The following HYCC2 variants were observed in gnomAD, a reference collection of about 807,000 sequenced individuals.
HYCC2 encodes hyccin PI4KA lipid kinase complex subunit 2, also known as hyccin 2.
At chr2:201,025,169 T>C in the HYCC2 span, among the ~76,000 whole-genome samples, 119 of 152,106 alleles carry the variant, frequency 7.8e-4, no homozygotes, top group African/African-American at 2.6e-3. Context: ...AAAAGCAAGC[T>C]GTAGGATGTA....
chr2:201,001,851 T>C, the HYCC2 span, among the ~76,000 whole-genome samples: 6 of 151,834 alleles, frequency 4.0e-5, 1 homozygote, highest in South Asian at 1.0e-3. Flanking sequence ...TTTGTATTTT[T>C]AGTAGAGACA....
chr2:201,005,016 CAAA>C, the HYCC2 span, among the ~76,000 whole-genome samples: 11 of 56,588 alleles, frequency 1.9e-4, no homozygotes, highest in Admixed American at 3.8e-4. Flanking sequence ...GACTCCATCT[CAAA>C]AAAAAAAAAA....
the HYCC2 span, among the ~76,000 whole-genome samples, chr2:201,008,220 A>G: frequency 6.6e-6 from 1 of 152,224 alleles, no homozygotes; most frequent in Admixed American, 6.5e-5. Context: ...TTCTGCAACC[A>G]AGAAAGCAAG....
chr2:200,995,935 C>T, the HYCC2 span: 2 of 152,004 alleles, frequency 1.3e-5, no homozygotes, highest in Non-Finnish European at 2.9e-5. Flanking sequence ...TTTTGAAAGG[C>T]TGAATTCAGA....
the HYCC2 span, among the ~76,000 whole-genome samples, chr2:201,035,764 G>A: frequency 2.6e-5 from 4 of 152,112 alleles, no homozygotes; most frequent in Admixed American, 1.3e-4. Context: ...TGATGGTGAC[G>A]TTCAGATGGG....
chr2:200,977,117 A>C, the HYCC2 span: 2 of 152,262 alleles, frequency 1.3e-5, no homozygotes, highest in African/African-American at 2.4e-5. Flanking sequence ...TGATCCTTAC[A>C]TCTGTAGATA....
chr2:201,011,733 A>G, the HYCC2 span, among the ~76,000 whole-genome samples: 1 of 152,210 alleles, frequency 6.6e-6, no homozygotes, highest in Non-Finnish European at 1.5e-5. Flanking sequence ...ATACAATATG[A>G]CAGCAAAGAC....
the HYCC2 span, among the ~76,000 whole-genome samples, chr2:201,006,649 A>ATTT: frequency 2.0e-5 from 3 of 152,110 alleles, no homozygotes; most frequent in Admixed American, 2.0e-4. Flanking sequence ...TCTGGGAGAT[A>ATTT]TTTTGGTCAT....
chr2:201,028,693 G>C, the HYCC2 span, among the ~76,000 whole-genome samples: 4,331 of 152,206 alleles, frequency 0.028, 220 homozygotes, highest in African/African-American at 0.099. Flanking sequence ...TGACAAACCT[G>C]ACAAAAACAA....
the HYCC2 span, among the ~76,000 whole-genome samples, chr2:201,056,029 A>C: frequency 6.6e-6 from 1 of 152,134 alleles, no homozygotes; most frequent in African/African-American, 2.4e-5. Flanking sequence ...TCTACTAAAA[A>C]TACAAAAAAT....
chr2:201,057,499 C>A, the HYCC2 span, among the ~76,000 whole-genome samples: 1 of 152,156 alleles, frequency 6.6e-6, no homozygotes, highest in Non-Finnish European at 1.5e-5. Context: ...TGAGAGGAAA[C>A]AAATCTCTCT....
chr2:201,067,474 A>G, the HYCC2 span, among the ~76,000 whole-genome samples: 1 of 152,214 alleles, frequency 6.6e-6, no homozygotes, highest in Non-Finnish European at 1.5e-5. Context: ...TTCTATAAAT[A>G]ATCAAAGTCA....
the HYCC2 span, among the ~76,000 whole-genome samples, chr2:201,032,656 C>T: frequency 6.6e-6 from 1 of 152,076 alleles, no homozygotes; most frequent in African/African-American, 2.4e-5. Context: ...TATTGTTACA[C>T]AAAAATTAAG....
chr2:200,979,920 C>G, the HYCC2 span: 1 of 152,598 alleles, frequency 6.6e-6, no homozygotes, highest in Non-Finnish European at 1.5e-5. Context: ...TACATACATT[C>G]AACATCTAGC....
chr2:201,051,714 T>C, the HYCC2 span, among the ~76,000 whole-genome samples: 2 of 152,040 alleles, frequency 1.3e-5, no homozygotes. Flanking sequence ...TGTTCATGAG[T>C]TGGGAAGACT....
chr2:200,990,612 GC>G, the HYCC2 span, among the ~76,000 whole-genome samples: 1 of 149,794 alleles, frequency 6.7e-6, no homozygotes, highest in East Asian at 2.0e-4. Flanking sequence ...TCACTCTGTT[GC>G]CCAGGCTGAG....
chr2:201,057,891 A>G, the HYCC2 span, among the ~76,000 whole-genome samples: 1 of 152,182 alleles, frequency 6.6e-6, no homozygotes, highest in Non-Finnish European at 1.5e-5. Context: ...AAAGATATGG[A>G]TCTATCGGTT....
the HYCC2 span, chr2:201,063,590 C>G: frequency 6.3e-7 from 1 of 1,582,484 alleles, no homozygotes; most frequent in Non-Finnish European, 8.6e-7. Flanking sequence ...TCAGAAATAC[C>G]ACACTGTGAA....
At chr2:200,989,386 T>C in the HYCC2 span, among the ~76,000 whole-genome samples, 1 of 152,224 alleles carries the variant, frequency 6.6e-6, no homozygotes, top group African/African-American at 2.4e-5. Flanking sequence ...TTTTTATCCA[T>C]TTGTTTTAAT....
Sources: gnomAD v4.1 joint callset for allele counts (sites outside exome capture counted in the v4.1 genomes callset) on GRCh38, gnomAD v4.1.1 for gene constraint, MANE v1.5 for transcripts, NCBI Gene and HGNC (gene_info 2026-07-23, HGNC 2026-07-21) for gene names.